The following SPATA16 variants were observed in gnomAD, a reference collection of about 807,000 sequenced individuals.
The protein encoded by SPATA16 is spermatogenesis associated 16.
In SPATA16, 36 loss-of-function variants were observed where a neutral mutation model predicts 63.3. That is an observed-to-expected ratio of 0.57 (90% CI 0.44 to 0.75). The LOEUF is 0.75. Ranked by LOEUF, SPATA16 falls within the 30% of genes least tolerant of loss-of-function variation. The pLI, the probability that SPATA16 is intolerant of heterozygous loss-of-function variation, is 0.00. For synonymous variants in SPATA16, 203 were observed against 216.7 expected (o/e 0.94, Z 0.56); for missense variants, 646 against 679.3 (o/e 0.95, Z 0.54).
chr3:173,117,567 C>T lies in SPATA16; in HGVS notation c.165G>A (p.Gln55=), dbSNP rs977348402. The T allele has an allele frequency of 8.7e-6, 14 of 1,613,628 alleles. No individual in the cohort carries two copies. Among genetic ancestry groups the T allele is most frequent in the Non-Finnish European group, 1.2e-5 (14 of 1,179,886 alleles). ...TTGTTCTTTCAAGTGTGATTTCTAC[C>T]TGTTTACCTCCACAGTTTTTCTTAA... The part of the protein sequence containing the change: ...QEIKKNCGGK[Q]VEITLERTKM... Residue 55 remains glutamine, a synonymous_variant, in exon 2 of 11, where the codon CAG becomes CAA. Transcript: ENST00000351008.
chr3:173,053,395 T>C (rs1344800857), intron 2 of SPATA16, among the ~76,000 whole-genome samples: 1 of 151,942 alleles, frequency 6.6e-6, no homozygotes, highest in Non-Finnish European at 1.5e-5. Flanking sequence ...ATAATAATAA[T>C]AGTAAAAGGA....
At chr3:172,993,463 G>A (rs925784310) in intron 4 of SPATA16, among the ~76,000 whole-genome samples, 2 of 151,928 alleles carry the variant, frequency 1.3e-5, no homozygotes, top group Non-Finnish European at 2.9e-5. Flanking sequence ...ATTAATTGAG[G>A]GCCAAGGAAG....
chr3:172,999,539 G>A (rs1734769838), intron 4 of SPATA16, among the ~76,000 whole-genome samples: 1 of 152,012 alleles, frequency 6.6e-6, no homozygotes, highest in Admixed American at 6.6e-5. Context: ...TCAGCCTCCT[G>A]AGTAGCTGTG....
chr3:172,956,557 T>A, intron 6 of SPATA16, 120 bp downstream of exon 6: 2 of 1,069,574 alleles, frequency 1.9e-6, no homozygotes, highest in South Asian at 3.2e-5. Flanking sequence ...TTTCAAGTCA[T>A]CAGATGAAAA....
At chr3:173,137,499 A>C (rs1055833302) in intron 1 of SPATA16, among the ~76,000 whole-genome samples, 2 of 152,156 alleles carry the variant, frequency 1.3e-5, no homozygotes, top group Non-Finnish European at 2.9e-5. Flanking sequence ...TGGGAGGAAA[A>C]CAGGAAAAGA....
intron 1 of SPATA16, among the ~76,000 whole-genome samples, chr3:173,125,292 A>G (rs11708501): frequency 0.22 from 34,198 of 152,068 alleles, 4,624 homozygotes; most frequent in African/African-American, 0.38. Flanking sequence ...TGTATGATCA[A>G]TACCCTCCTC....
chr3:172,997,428 T>C (rs1170003108), intron 4 of SPATA16, among the ~76,000 whole-genome samples: 1 of 152,140 alleles, frequency 6.6e-6, no homozygotes, highest in Non-Finnish European at 1.5e-5. Context: ...GTGAAGTGTC[T>C]GTTAAGGTCT....
At chr3:172,921,395 TG>T (rs761967356) in intron 8 of SPATA16, among the ~76,000 whole-genome samples, 2 of 152,214 alleles carry the variant, frequency 1.3e-5, no homozygotes, top group African/African-American at 2.4e-5. Flanking sequence ...ATATTGGCTC[TG>T]TTCTACCAAG....
At chr3:172,893,581 A>G (rs1227401662) in intron 10 of SPATA16, among the ~76,000 whole-genome samples, 2 of 152,276 alleles carry the variant, frequency 1.3e-5, no homozygotes, top group African/African-American at 4.8e-5. Flanking sequence ...GCATCTGAAT[A>G]TAACTACTAA....
intron 1 of SPATA16, among the ~76,000 whole-genome samples, chr3:173,118,492 C>G (rs1030711591): frequency 6.6e-6 from 1 of 152,090 alleles, no homozygotes; most frequent in Non-Finnish European, 1.5e-5. Context: ...CTTTTGATTC[C>G]AAGATTCTGC....
intron 3 of SPATA16, among the ~76,000 whole-genome samples, chr3:173,025,133 T>C (rs1334460062): frequency 6.6e-6 from 1 of 151,286 alleles, no homozygotes; most frequent in Non-Finnish European, 1.5e-5. Context: ...TTTCTTCTTC[T>C]GCTATATATG....
chr3:172,957,768 C>A (rs1215678681), intron 5 of SPATA16, among the ~76,000 whole-genome samples: 1 of 152,116 alleles, frequency 6.6e-6, no homozygotes, highest in Non-Finnish European at 1.5e-5. Flanking sequence ...ATTTAACAAA[C>A]AACAATTTAC....
At chr3:173,103,722 T>A (rs1737550458) in intron 2 of SPATA16, among the ~76,000 whole-genome samples, 1 of 152,194 alleles carries the variant, frequency 6.6e-6, no homozygotes, top group Non-Finnish European at 1.5e-5. Flanking sequence ...TCTGATAAGT[T>A]TTTGAGGCCT....
At chr3:172,890,441 C>T (rs1731872484) in intron 10 of SPATA16, among the ~76,000 whole-genome samples, 1 of 152,086 alleles carries the variant, frequency 6.6e-6, no homozygotes, top group African/African-American at 2.4e-5. Context: ...CATACTTAAC[C>T]CTGACTCCTA....
At chr3:172,896,190 T>C (rs1388028005) in intron 10 of SPATA16, among the ~76,000 whole-genome samples, 1 of 152,166 alleles carries the variant, frequency 6.6e-6, no homozygotes, top group African/African-American at 2.4e-5. Context: ...ATAATAGTGA[T>C]GTTATCCCCA....
At chr3:172,969,276 G>A (rs1384144658) in intron 5 of SPATA16, among the ~76,000 whole-genome samples, 2 of 152,164 alleles carry the variant, frequency 1.3e-5, no homozygotes, top group Admixed American at 6.6e-5. Context: ...TAATCTAATA[G>A]TGGGAATATG....
chr3:172,929,139 A>C (rs1732806776), intron 6 of SPATA16, among the ~76,000 whole-genome samples: 1 of 152,238 alleles, frequency 6.6e-6, no homozygotes, highest in Non-Finnish European at 1.5e-5. Context: ...GTCATGTCAA[A>C]AGAAACTTGG....
intron 10 of SPATA16, among the ~76,000 whole-genome samples, chr3:172,909,812 A>G (rs1014715284): frequency 1.3e-5 from 2 of 152,208 alleles, no homozygotes; most frequent in African/African-American, 2.4e-5. Context: ...GCAGCAATAG[A>G]TAACAACTGT....
intron 1 of SPATA16, among the ~76,000 whole-genome samples, chr3:173,119,661 A>C (rs1738003409): frequency 6.6e-6 from 1 of 152,234 alleles, no homozygotes; most frequent in African/African-American, 2.4e-5. Context: ...TTTAAGTTTG[A>C]AATTTTAACC....
Sources: gnomAD v4.1 joint callset for allele counts (sites outside exome capture counted in the v4.1 genomes callset) on GRCh38, gnomAD v4.1.1 for gene constraint, MANE v1.5 for transcripts, NCBI Gene and HGNC (gene_info 2026-07-23, HGNC 2026-07-21) for gene names.